The following C10orf67 variants were observed in gnomAD, a reference collection of about 807,000 sequenced individuals.
C10orf67 encodes uncharacterized protein C10orf67, mitochondrial.
A neutral mutation model predicts 35.6 loss-of-function variants in C10orf67; 60 were observed. That is an observed-to-expected ratio of 1.68 (90% CI 1.37 to 2.09). The LOEUF is 2.09. C10orf67 is among the 30% of genes most tolerant of loss of function. The pLI is 0.00. For synonymous variants in C10orf67, 167 were observed against 115.8 expected (o/e 1.44, Z -2.84); for missense variants, 474 against 330.2 (o/e 1.44, Z -3.38).
chr10:23,258,986 A>G (rs914856241), intron 10 of C10orf67, among the ~76,000 whole-genome samples: 4 of 152,258 alleles, frequency 2.6e-5, no homozygotes, highest in Non-Finnish European at 5.9e-5. Flanking sequence ...TATTTTTAAA[A>G]TATCTAAGTA....
intron 10 of C10orf67, among the ~76,000 whole-genome samples, chr10:23,259,270 C>T (rs150787411): frequency 7.9e-5 from 12 of 152,260 alleles, no homozygotes; most frequent in East Asian, 5.8e-4. Context: ...GTATATCATG[C>T]CTTTAAGGAT....
chr10:23,327,740 G>A lies in C10orf67; in HGVS notation c.328-5203C>T, dbSNP rs375066715. 1.5e-4 allele frequency among the ~76,000 whole-genome samples: 23 copies of A among 151,802 alleles called. No individual in the cohort carries two copies. The East Asian group carries it at 3.3e-3, about 22-fold the overall frequency. ...CTCAGGAGGCTGAGGCAGGAGAATC[G>A]CTTGAACCTGGGAGGTGGAGGTTGC... On this transcript the variant is annotated intron_variant, in intron 2 of 15. Coordinates refer to ENST00000636213, the MANE Select transcript of C10orf67 (RefSeq NM_001371909.1).
intron 5 of C10orf67, among the ~76,000 whole-genome samples, chr10:23,297,585 G>A (rs377108958): frequency 3.9e-4 from 59 of 152,224 alleles, no homozygotes; most frequent in South Asian, 3.1e-3. Context: ...CCCGCTTTTC[G>A]AAGTCCTTTT....
intron 5 of C10orf67, among the ~76,000 whole-genome samples, chr10:23,291,563 C>G (rs1254337850): frequency 6.6e-6 from 1 of 152,200 alleles, no homozygotes; most frequent in African/African-American, 2.4e-5. Flanking sequence ...ATTATGGAGG[C>G]TGTGTCCGGG....
intron 1 of C10orf67, chr10:23,344,103 G>A: frequency 9.9e-6 from 2 of 202,816 alleles, no homozygotes; most frequent in South Asian, 1.3e-4. Context: ...AACCGGCGAA[G>A]CGCGGGAATC....
chr10:23,256,156 C>T (rs1351376260), intron 10 of C10orf67, among the ~76,000 whole-genome samples: 2 of 152,082 alleles, frequency 1.3e-5, no homozygotes, highest in Non-Finnish European at 1.5e-5. Context: ...TGTGCACCAC[C>T]ATGCCTGGCT....
chr10:23,244,386 T>C (rs1330824404), intron 12 of C10orf67, among the ~76,000 whole-genome samples: 3 of 152,154 alleles, frequency 2.0e-5, no homozygotes, highest in Admixed American at 2.0e-4. Flanking sequence ...GAGTTAGGCT[T>C]CCTTCTTGAA....
At chr10:23,212,233 C>T (rs1262852459) in intron 15 of C10orf67, among the ~76,000 whole-genome samples, 1 of 152,180 alleles carries the variant, frequency 6.6e-6, no homozygotes, top group Non-Finnish European at 1.5e-5. Context: ...GATTCTCCCT[C>T]GCAGTCCTCA....
intron 7 of C10orf67, among the ~76,000 whole-genome samples, chr10:23,286,965 G>A (rs1009134480): frequency 6.6e-6 from 1 of 152,022 alleles, no homozygotes; most frequent in South Asian, 2.1e-4. Context: ...CTTGAATGAG[G>A]AAATAAGAGA....
chr10:23,215,866 C>T (rs1212072303), intron 15 of C10orf67, among the ~76,000 whole-genome samples: 8 of 152,148 alleles, frequency 5.3e-5, no homozygotes, highest in Non-Finnish European at 8.8e-5. Flanking sequence ...ATCAGCTTAA[C>T]AGGTAAAGGG....
At chr10:23,322,145 C>T (rs1022429757) in intron 3 of C10orf67, among the ~76,000 whole-genome samples, 1 of 152,172 alleles carries the variant, frequency 6.6e-6, no homozygotes, top group Non-Finnish European at 1.5e-5. Context: ...TCAGTTTTCT[C>T]ATCTGTAAAA....
chr10:23,242,059 C>A (rs139688363), intron 12 of C10orf67, among the ~76,000 whole-genome samples: 4,698 of 152,106 alleles, frequency 0.031, 102 homozygotes, highest in Middle Eastern at 0.048. Flanking sequence ...GCAACTTCCA[C>A]CTCCTGGGTT....
rs571094921 is a variant in C10orf67, at chr10:23,263,298, G to A, written c.1200+2964C>T. 2.0e-5 allele frequency among the ~76,000 whole-genome samples: 3 copies of A among 152,196 alleles called. No individual in the cohort carries two copies. In the South Asian group the frequency reaches 6.2e-4, roughly 32 times the overall value. ...AACCAAGTAAGAGTTGCATCTAGGA[G>A]AAAAATAGTAAATTTCAGAAGAAAA... On this transcript the variant is annotated intron_variant, in intron 10 of 15. Coordinates refer to ENST00000636213, the MANE Select transcript of C10orf67 (RefSeq NM_001371909.1).
At chr10:23,330,781 ATAAGT>A (rs1405108995) in intron 2 of C10orf67, among the ~76,000 whole-genome samples, 3 of 152,028 alleles carry the variant, frequency 2.0e-5, no homozygotes, top group Non-Finnish European at 4.4e-5. Flanking sequence ...TAAACGAGAA[ATAAGT>A]TAATTTCTCT....
Position 23,204,042 on chromosome 10 carries a change from T to C in C10orf67, c.*131A>G, listed in dbSNP as rs1036903008. ...GCGCAGTGCTGGTTAATATACATAA[T>C]CTGGAGAGATTAAACAATTAGTTTA... On this transcript the variant is annotated 3_prime_UTR_variant, in exon 16 of 16. Coordinates refer to ENST00000636213, the MANE Select transcript of C10orf67 (RefSeq NM_001371909.1). 1.3e-4 allele frequency: 56 copies of C among 420,480 alleles called. No individual in the cohort carries two copies. The highest frequency in any genetic ancestry group is 1.9e-4 in the Non-Finnish European group (45 of 233,106). 26.0% of individuals were successfully genotyped at this position (420,480 alleles called of 1,614,324 possible).
intron 13 of C10orf67, among the ~76,000 whole-genome samples, chr10:23,226,766 C>T (rs537098603): frequency 1.2e-4 from 18 of 152,090 alleles, no homozygotes; most frequent in South Asian, 8.3e-4. Context: ...ATATCACCAC[C>T]GATCCCACAG....
Position 23,291,268 on chromosome 10 carries a change from G to T in C10orf67, c.714C>A (p.Ala238=). The T allele has an allele frequency of 1.4e-6, 1 of 713,120 alleles. No homozygotes were observed. The highest frequency in any genetic ancestry group is 1.5e-5 in the South Asian group (1 of 66,308). The allele number at this position is 713,120 out of a possible 1,614,324, so 44.2% of individuals were successfully genotyped here. A position where few individuals can be genotyped will look rare whatever the true frequency, so the allele number is the denominator to read the frequency against. The change falls in exon 6 of 16, where the codon GCC becomes GCA. Residue 238 remains alanine (A), a synonymous_variant. Transcript: ENST00000636213. ...DFGFHKMESF[A]KETSSPKSNL... is the part of the protein sequence containing the mutation. ...TTGATTTTGGAGAGCTGGTTTCTTT[G>T]GCAAAAGATTCCTAAAAGATGGAGA...
chr10:23,233,955 C>T (rs1010304798), intron 13 of C10orf67, among the ~76,000 whole-genome samples: 25 of 152,298 alleles, frequency 1.6e-4, no homozygotes, highest in African/African-American at 5.3e-4. Context: ...CACATGTCAC[C>T]TATGTTGATA....
At chr10:23,302,094 T>C (rs1010777162) in intron 5 of C10orf67, among the ~76,000 whole-genome samples, 2 of 152,032 alleles carry the variant, frequency 1.3e-5, no homozygotes, top group Admixed American at 1.3e-4. Flanking sequence ...AGTTACAAGA[T>C]TTAATAGAGT....
Sources: allele counts gnomAD v4.1 joint callset (sites outside exome capture counted in the v4.1 genomes callset), GRCh38; gene constraint gnomAD v4.1.1; transcripts MANE v1.5; gene names NCBI Gene and HGNC (gene_info 2026-07-23, HGNC 2026-07-21).